The following BAIAP2L1 variants were observed in gnomAD, a reference collection of about 807,000 sequenced individuals.
The protein encoded by BAIAP2L1 is BAR/IMD domain containing adaptor protein 2 like 1.
Under a neutral mutation model 66.3 loss-of-function variants are expected in BAIAP2L1, and 35 were observed. The observed-to-expected ratio is 0.53, with a 90% confidence interval of 0.40 to 0.70. The LOEUF is 0.70. Among genes scored for constraint, BAIAP2L1 ranks in the 30% least tolerant of loss-of-function variants. The pLI is 0.00. For missense variants in BAIAP2L1, 622 were observed against 656.9 expected (o/e 0.95, Z 0.58); for synonymous variants, 269 against 248.7 (o/e 1.08, Z -0.77).
At chr7:98,370,578 T>C (rs981549155) in intron 1 of BAIAP2L1, among the ~76,000 whole-genome samples, 1 of 151,786 alleles carries the variant, frequency 6.6e-6, no homozygotes, top group African/African-American at 2.4e-5. Flanking sequence ...CTCGGCTCAC[T>C]GCAAGCTCCG....
intron 11 of BAIAP2L1, among the ~76,000 whole-genome samples, chr7:98,305,698 C>T (rs773260372): frequency 1.3e-5 from 2 of 152,214 alleles, no homozygotes; most frequent in Non-Finnish European, 2.9e-5. Flanking sequence ...GCTGGGATTA[C>T]AGGCACAAGC....
intron 1 of BAIAP2L1, among the ~76,000 whole-genome samples, chr7:98,367,606 G>A (rs190490306): frequency 2.8e-5 from 4 of 145,452 alleles, no homozygotes; most frequent in African/African-American, 1.0e-4. Context: ...CGCAATCTCG[G>A]CTCACTGCAA....
At chr7:98,358,868 CG>C (rs1289063251) in intron 2 of BAIAP2L1, among the ~76,000 whole-genome samples, 2 of 152,164 alleles carry the variant, frequency 1.3e-5, no homozygotes, top group East Asian at 3.8e-4. Flanking sequence ...TCACACCTCC[CG>C]GAATTCCCAG....
chr7:98,312,313 A>C (rs780299931), intron 7 of BAIAP2L1, 49 bp from the exon 8 acceptor site: 1 of 1,545,380 alleles, frequency 6.5e-7, no homozygotes, highest in South Asian at 1.2e-5. Flanking sequence ...TTGTCTGAAG[A>C]GCTGAGAAAA....
chr7:98,304,200 G>A lies in BAIAP2L1; in HGVS notation c.1418C>T (p.Ala473Val). Residue 473 changes from alanine (A) to valine (V), a missense_variant, in exon 12 of 14, where the codon GCT becomes GTT. Physicochemically the swap from Ala to Val is moderately conservative, Grantham distance 64. Transcript: ENST00000005260. ...CCCTGCTGCGGCTTTACTCACAGGAGCCGCGGTCTCGGGCTTGGACGCTGG... is the reference window on the plus strand; with the variant it reads ...CCCTGCTGCGGCTTTACTCACAGGAACCGCGGTCTCGGGCTTGGACGCTGG... ...KAPASKPETA[A>V]PNDANGTAKP... 1.3e-6 allele frequency: 2 copies of A among 1,588,890 alleles called. No individual in the cohort carries two copies. The highest frequency in any genetic ancestry group is 1.7e-6 in the Non-Finnish European group (2 of 1,167,072).
At chr7:98,296,908 A>G (rs1004930776) in intron 12 of BAIAP2L1, among the ~76,000 whole-genome samples, 4 of 152,056 alleles carry the variant, frequency 2.6e-5, no homozygotes, top group Admixed American at 2.6e-4. Context: ...CGCATACCTC[A>G]CACTCAGCCC....
intron 1 of BAIAP2L1, among the ~76,000 whole-genome samples, chr7:98,392,870 G>GCAACCTCCGCCTCC (rs146586268): frequency 0.38 from 57,853 of 150,900 alleles, 12,473 homozygotes; most frequent in Middle Eastern, 0.55. Context: ...TCAGCTCACT[G>GCAACCTCCGCCTCC]CAACCTCCGC....
chr7:98,297,963 G>C (rs1317059657), intron 12 of BAIAP2L1, among the ~76,000 whole-genome samples: 1 of 152,264 alleles, frequency 6.6e-6, no homozygotes, highest in Admixed American at 6.5e-5. Context: ...GGGCACAGTG[G>C]CTCACGCCTG....
At chr7:98,306,989 T>C (rs2116855876) in intron 10 of BAIAP2L1, 1 of 160,868 alleles carries the variant, frequency 6.2e-6, no homozygotes, top group East Asian at 1.8e-4. Flanking sequence ...GACAAGCTAG[T>C]TACAGGAAGG....
chr7:98,339,412 A>G lies in BAIAP2L1; in HGVS notation c.214+15630T>C, dbSNP rs144301714. On this transcript the variant is annotated intron_variant, in intron 3 of 13. Transcript: ENST00000005260. The stretch of plus-strand genomic sequence containing the variant: ...GTGCTTGTTGGCACTCTTACTTTTA[A>G]CAGTTTTGTTAAGTCACTCGGAAGA... Among the ~76,000 whole-genome samples, 706 of 152,306 alleles carry G rather than the reference A, an allele frequency of 4.6e-3. 11 individuals carry two copies. Among genetic ancestry groups the G allele is most frequent in the African/African-American group, 0.016 (665 of 41,570 alleles).
In BAIAP2L1 at chr7:98,299,917, T is replaced by C. The variant is rs1584419134; in HGVS notation, c.1422+4279A>G. Among the ~76,000 whole-genome samples, 6 of 152,272 alleles carry C rather than the reference T, an allele frequency of 3.9e-5. 1 individual carries two copies. The highest frequency in any genetic ancestry group is 3.9e-4 in the Admixed American group (6 of 15,292). ...TTAGCTGGGTGTGGTGGCATGCACC[T>C]GTAGTCCCAGCTACTTAGGAGGCTG... is the stretch of plus-strand genomic sequence containing the variant. On this transcript the variant is annotated intron_variant, in intron 12 of 13. Transcript: ENST00000005260.
At position 98,357,753 on chromosome 7, in the gene BAIAP2L1, T is replaced by C. The variant is rs539965186; in HGVS notation, c.128-2625A>G. ...AGCATTTATATACATACTTAGTTAA[T>C]CTATCCAATTATGTTGAGACACAGT... On this transcript the variant is annotated intron_variant, in intron 2 of 13. Transcript: ENST00000005260. Among the ~76,000 whole-genome samples, 65 of 152,244 alleles carry C rather than the reference T, an allele frequency of 4.3e-4. No homozygotes were observed. In the South Asian group the frequency reaches 0.013, roughly 31 times the overall value.
chr7:98,321,539 C>T (rs943070375), intron 3 of BAIAP2L1, among the ~76,000 whole-genome samples: 2 of 152,112 alleles, frequency 1.3e-5, no homozygotes, highest in Non-Finnish European at 2.9e-5. Flanking sequence ...ATCACGCCCC[C>T]GGGTTTGCAA....
chr7:98,300,429 C>A, intron 12 of BAIAP2L1, among the ~76,000 whole-genome samples: 1 of 152,200 alleles, frequency 6.6e-6, no homozygotes, highest in East Asian at 1.9e-4. Context: ...CAGTTGCAGT[C>A]CCTCCCCGCA....
chr7:98,389,941 A>G (rs1304247237), intron 1 of BAIAP2L1, among the ~76,000 whole-genome samples: 2 of 61,708 alleles, frequency 3.2e-5, no homozygotes, highest in African/African-American at 7.8e-5. Context: ...TTTGAGAGGT[A>G]GTCTCGCACT....
intron 1 of BAIAP2L1, among the ~76,000 whole-genome samples, chr7:98,389,367 G>T (rs891658799): frequency 1.3e-4 from 20 of 152,126 alleles, no homozygotes; most frequent in African/African-American, 4.6e-4. Context: ...CACCCAGGCT[G>T]GAGTGCAGTG....
chr7:98,328,679 CAAAAAAAAAA>C (rs1158387861), intron 3 of BAIAP2L1, among the ~76,000 whole-genome samples: 1 of 56,670 alleles, frequency 1.8e-5, no homozygotes, highest in African/African-American at 6.3e-5. Flanking sequence ...GATCCCATCT[CAAAAAAAAAA>C]AAAAAAAAAA....
intron 2 of BAIAP2L1, among the ~76,000 whole-genome samples, chr7:98,357,061 T>A (rs1278312351): frequency 3.0e-5 from 3 of 100,088 alleles, no homozygotes; most frequent in African/African-American, 8.2e-5. Flanking sequence ...TTTTTTTTTT[T>A]TTTTTTTAAG....
At position 98,291,717 on chromosome 7, in the gene BAIAP2L1, G is replaced by A. The variant is rs1268090488; in HGVS notation, c.*1804C>T. On this transcript the variant is annotated 3_prime_UTR_variant, in exon 14 of 14. Transcript: ENST00000005260. ...ATATTTACAGAGCAGGCACCTCGGT[G>A]CCAAGGACCAGGCCATGCCCGTTCT... The A allele has an allele frequency of 1.4e-5, 3 of 211,754 alleles. No homozygotes were observed. The highest frequency in any genetic ancestry group is 2.5e-5 in the Non-Finnish European group (3 of 120,776). The allele number at this position is 211,754 out of a possible 1,614,324, so 13.1% of individuals were successfully genotyped here. A position where few individuals can be genotyped will look rare whatever the true frequency, so the allele number is the denominator to read the frequency against.
Sources: allele counts gnomAD v4.1 joint callset (sites outside exome capture counted in the v4.1 genomes callset), GRCh38; gene constraint gnomAD v4.1.1; transcripts MANE v1.5; gene names NCBI Gene and HGNC (gene_info 2026-07-23, HGNC 2026-07-21).